The following ATP8A2 variants were observed in gnomAD, a reference collection of about 807,000 sequenced individuals.
ATP8A2 encodes phospholipid-transporting ATPase IB.
ATP8A2 carries 100 observed loss-of-function variants against 165.6 expected under a neutral mutation model. That is an observed-to-expected ratio of 0.60 (90% CI 0.51 to 0.71). The LOEUF (loss-of-function observed/expected upper bound fraction) is 0.71. Among genes scored for constraint, ATP8A2 ranks in the 30% least tolerant of loss-of-function variants. The pLI, the probability that ATP8A2 is intolerant of heterozygous loss-of-function variation, is 0.00. For missense variants in ATP8A2, 1,227 were observed against 1,479.5 expected, an observed-to-expected ratio of 0.83 and a Z score of 2.80; for synonymous variants, 543 against 548.8, an observed-to-expected ratio of 0.99 and a Z score of 0.15.
At chr13:25,384,785 G>A (rs1315666714) in intron 1 of ATP8A2, among the ~76,000 whole-genome samples, 1 of 152,018 alleles carries the variant, frequency 6.6e-6, no homozygotes, top group African/African-American at 2.4e-5. Context: ...TTTAAGTTCT[G>A]TTTGCCTCCT....
intron 25 of ATP8A2, among the ~76,000 whole-genome samples, chr13:25,721,422 CT>C (rs2043379263): frequency 6.6e-6 from 1 of 152,180 alleles, no homozygotes; most frequent in African/African-American, 2.4e-5. Context: ...ACTCAAAAAT[CT>C]TTGCCCAGAC....
chr13:25,854,972 C>T (rs371481685), intron 30 of ATP8A2, among the ~76,000 whole-genome samples: 5 of 152,112 alleles, frequency 3.3e-5, no homozygotes, highest in African/African-American at 9.7e-5. Flanking sequence ...CACTCCTGGC[C>T]GGGCACGGTG....
At chr13:25,880,474 G>C (rs947148341) in intron 33 of ATP8A2, among the ~76,000 whole-genome samples, 2 of 151,928 alleles carry the variant, frequency 1.3e-5, no homozygotes, top group African/African-American at 4.8e-5. Context: ...AAGTAAATCA[G>C]TTATTACAAG....
At chr13:25,774,271 G>C (rs2044691496) in intron 26 of ATP8A2, among the ~76,000 whole-genome samples, 1 of 152,144 alleles carries the variant, frequency 6.6e-6, no homozygotes, top group Non-Finnish European at 1.5e-5. Context: ...GACTTGGATG[G>C]AGCTGGAAAC....
At chr13:25,755,482 T>G (rs1328856332) in intron 25 of ATP8A2, among the ~76,000 whole-genome samples, 1 of 152,240 alleles carries the variant, frequency 6.6e-6, no homozygotes, top group African/African-American at 2.4e-5. Context: ...TTCCGTTGAA[T>G]GTAGGGGCAA....
chr13:25,975,115 C>T (rs1369779022), intron 35 of ATP8A2, among the ~76,000 whole-genome samples: 2 of 152,102 alleles, frequency 1.3e-5, no homozygotes, highest in Non-Finnish European at 2.9e-5. Context: ...GATGGTGTTG[C>T]ACTGTGTCCC....
intron 1 of ATP8A2, among the ~76,000 whole-genome samples, chr13:25,404,001 A>C (rs1018130571): frequency 6.6e-6 from 1 of 152,188 alleles, no homozygotes; most frequent in East Asian, 1.9e-4. Context: ...TTTATTGAAT[A>C]CCTGTTCTAT....
At chr13:25,460,995 A>G (rs1342900942) in intron 1 of ATP8A2, among the ~76,000 whole-genome samples, 1 of 152,206 alleles carries the variant, frequency 6.6e-6, no homozygotes, top group Non-Finnish European at 1.5e-5. Flanking sequence ...AATGCCTTCT[A>G]TCCAGGAGGT....
chr13:25,869,725 G>T (rs1593478405), intron 33 of ATP8A2, among the ~76,000 whole-genome samples: 2 of 152,294 alleles, frequency 1.3e-5, no homozygotes, highest in East Asian at 3.9e-4. Context: ...GAGGGGAGTG[G>T]CTCGCTTCTT....
intron 24 of ATP8A2, among the ~76,000 whole-genome samples, chr13:25,677,267 T>G (rs150563199): frequency 1.6e-3 from 246 of 152,314 alleles, no homozygotes; most frequent in Non-Finnish European, 1.8e-3. Flanking sequence ...TTTCAAGTGT[T>G]CAGTAGGCAC....
chr13:25,758,725 A>C (rs1429508560), intron 25 of ATP8A2, among the ~76,000 whole-genome samples: 1 of 152,216 alleles, frequency 6.6e-6, no homozygotes, highest in African/African-American at 2.4e-5. Context: ...ATTAGCAGAC[A>C]TATAGAATCA....
rs138744295 is a variant in ATP8A2 at position 25,999,097 on chromosome 13, G to A, written c.3378-13434G>A. On this transcript the variant is annotated intron_variant, in intron 35 of 36. Transcript: ENST00000381655. ...GGAGACACAACATAAGAAGAGAGTC[G>A]CACCACAAATCAGTTAATACAAAGC... 5.0e-3 allele frequency among the ~76,000 whole-genome samples: 765 copies of A among 152,246 alleles called. 11 individuals are homozygous for A. Among genetic ancestry groups the A allele is most frequent in the African/African-American group, 0.018 (727 of 41,532 alleles).
intron 33 of ATP8A2, among the ~76,000 whole-genome samples, chr13:25,942,315 T>C (rs1337872157): frequency 6.6e-6 from 1 of 152,256 alleles, no homozygotes; most frequent in Non-Finnish European, 1.5e-5. Flanking sequence ...GGGCATAATC[T>C]GGAATGAAAT....
intron 24 of ATP8A2, among the ~76,000 whole-genome samples, chr13:25,603,986 G>A (rs2040454257): frequency 2.0e-5 from 3 of 151,934 alleles, no homozygotes. Context: ...GCTGAATCAG[G>A]TCACCAGGAT....
At chr13:26,017,516 C>G (rs572466287) in intron 36 of ATP8A2, among the ~76,000 whole-genome samples, 5 of 152,212 alleles carry the variant, frequency 3.3e-5, no homozygotes, top group Non-Finnish European at 7.3e-5. Context: ...GTGTGCCACA[C>G]GGTGCCAGAG....
chr13:25,833,265 T>C (rs969807907), intron 28 of ATP8A2, among the ~76,000 whole-genome samples: 1 of 152,010 alleles, frequency 6.6e-6, no homozygotes, highest in African/African-American at 2.4e-5. Flanking sequence ...AAGATTCAAC[T>C]CTTCTAAAAT....
chr13:25,800,191 G>T (rs1164935569), intron 27 of ATP8A2, among the ~76,000 whole-genome samples: 1 of 152,224 alleles, frequency 6.6e-6, no homozygotes, highest in Non-Finnish European at 1.5e-5. Context: ...AGCAAAGCTG[G>T]CATTTAAACC....
At chr13:25,449,564 G>A (rs2035157741) in intron 1 of ATP8A2, among the ~76,000 whole-genome samples, 1 of 152,186 alleles carries the variant, frequency 6.6e-6, no homozygotes, top group Non-Finnish European at 1.5e-5. Context: ...TGTCAGCTGT[G>A]TCCAGGGGCT....
At chr13:25,656,308 C>CTCTG (rs1367216932) in intron 24 of ATP8A2, among the ~76,000 whole-genome samples, 1 of 151,758 alleles carries the variant, frequency 6.6e-6, no homozygotes. Context: ...TGGAGTCTTA[C>CTCTG]TCTGTCGCCC....
Sources: gnomAD v4.1 joint callset for allele counts (sites outside exome capture counted in the v4.1 genomes callset) on GRCh38, gnomAD v4.1.1 for gene constraint, MANE v1.5 for transcripts, NCBI Gene and HGNC (gene_info 2026-07-23, HGNC 2026-07-21) for gene names.